TMEM200A: variants seen among roughly 807,000 people sequenced by gnomAD.
TMEM200A encodes transmembrane protein 200A.
TMEM200A carries 12 observed loss-of-function variants against 24.3 expected under a neutral mutation model. The ratio of observed to expected loss-of-function variants is 0.49; its 90% CI spans 0.32 to 0.80. TMEM200A has a LOEUF of 0.80. Among genes scored for constraint, TMEM200A ranks in the 30% least tolerant of loss-of-function variants. The pLI is 0.04. For missense variants in TMEM200A, 545 were observed against 614.4 expected, an observed-to-expected ratio of 0.89 and a Z score of 1.19; for synonymous variants, 224 against 224.4, an observed-to-expected ratio of 1.00 and a Z score of 0.02.
At chr6:130,430,045 G>A (rs148495659) in intron 2 of TMEM200A, among the ~76,000 whole-genome samples, 1 of 152,250 alleles carries the variant, frequency 6.6e-6, no homozygotes, top group Non-Finnish European at 1.5e-5. Flanking sequence ...AGCATGTGGA[G>A]TGTCCTACTT....
At chr6:130,397,618 G>C (rs1778981591) in intron 2 of TMEM200A, among the ~76,000 whole-genome samples, 2 of 148,230 alleles carry the variant, frequency 1.3e-5, no homozygotes, top group Non-Finnish European at 3.0e-5. Flanking sequence ...TTTTAAATTT[G>C]TGGTTTTTTT....
At chr6:130,440,314 A>C in intron 2 of TMEM200A, 93 bp from the exon 3 acceptor site, 3 of 1,315,810 alleles carry the variant, frequency 2.3e-6, no homozygotes, top group Non-Finnish European at 3.0e-6. Context: ...AACAGCAACA[A>C]AAATTCTGTG....
intron 2 of TMEM200A, among the ~76,000 whole-genome samples, chr6:130,427,897 G>GCTAT (rs1779785716): frequency 6.6e-6 from 1 of 151,930 alleles, no homozygotes; most frequent in African/African-American, 2.4e-5. Context: ...CTCTTGGCTT[G>GCTAT]CTATCTCTAA....
In TMEM200A at chr6:130,403,347, G is replaced by A. The variant is rs190819095; in HGVS notation, c.-17+18111G>A. ...ATAGAAGATAGCACTTTCATACCAA[G>A]TAGATTTTAGATACTGTAATAATGA... On this transcript the variant is annotated intron_variant, in intron 2 of 2. Coordinates refer to ENST00000296978, the MANE Select transcript of TMEM200A (RefSeq NM_001258277.2). Among the ~76,000 whole-genome samples, 201 of 152,124 alleles carry A rather than the reference G, an allele frequency of 1.3e-3. 1 individual carries two copies. Among genetic ancestry groups the A allele is most frequent in the African/African-American group, 4.6e-3 (192 of 41,538 alleles).
chr6:130,428,151 CT>C (rs542726496), intron 2 of TMEM200A, among the ~76,000 whole-genome samples: 21 of 152,092 alleles, frequency 1.4e-4, no homozygotes, highest in Non-Finnish European at 2.8e-4. Flanking sequence ...ATTAATCATT[CT>C]TCTCAATTTT....
chr6:130,378,408 G>T (rs1778513981), intron 1 of TMEM200A, among the ~76,000 whole-genome samples: 1 of 152,030 alleles, frequency 6.6e-6, no homozygotes, highest in Non-Finnish European at 1.5e-5. Context: ...TAGAAATCAT[G>T]TGGTCATGTG....
In TMEM200A at chr6:130,395,540, G is replaced by T. The variant is rs900277805; in HGVS notation, c.-17+10304G>T. On this transcript the variant is annotated intron_variant, in intron 2 of 2. Coordinates refer to ENST00000296978, the MANE Select transcript of TMEM200A (RefSeq NM_001258277.2). The stretch of plus-strand genomic sequence containing the variant: ...TAAAGTAGCCCTGAAAATGTTTCGG[G>T]TATGGTTGAGAATCTTAAGTAGTCA... 1.3e-5 allele frequency among the ~76,000 whole-genome samples: 2 copies of T among 152,180 alleles called. 1 individual carries two copies. The highest frequency in any genetic ancestry group is 4.1e-4 in the South Asian group (2 of 4,828).
chr6:130,429,708 G>T (rs894201532), intron 2 of TMEM200A, among the ~76,000 whole-genome samples: 1 of 152,020 alleles, frequency 6.6e-6, no homozygotes, highest in African/African-American at 2.4e-5. Context: ...GATTGCAGAA[G>T]GTCTTTTTAA....
At chr6:130,390,577 G>A (rs1035837803) in intron 2 of TMEM200A, among the ~76,000 whole-genome samples, 1 of 152,126 alleles carries the variant, frequency 6.6e-6, no homozygotes, top group Non-Finnish European at 1.5e-5. Flanking sequence ...ACCCTTAAAG[G>A]TACAAATCCT....
At chr6:130,426,818 A>C (rs1320750044) in intron 2 of TMEM200A, among the ~76,000 whole-genome samples, 3 of 152,240 alleles carry the variant, frequency 2.0e-5, no homozygotes, top group South Asian at 2.1e-4. Flanking sequence ...AATGCACAGC[A>C]TTAGGCTTAA....
chr6:130,415,759 T>C (rs1779435188), intron 2 of TMEM200A, among the ~76,000 whole-genome samples: 1 of 152,138 alleles, frequency 6.6e-6, no homozygotes, highest in Non-Finnish European at 1.5e-5. Flanking sequence ...AAATCTGTGA[T>C]ATGATGTGTA....
At chr6:130,382,925 G>A (rs140526523) in intron 1 of TMEM200A, 5,845 of 516,892 alleles carry the variant, frequency 0.011, 44 homozygotes, top group Non-Finnish European at 0.013. Context: ...GAAGTCACTT[G>A]TCTGTGGCCT....
chr6:130,374,326 A>G (rs1178426671), intron 1 of TMEM200A, among the ~76,000 whole-genome samples: 1 of 152,034 alleles, frequency 6.6e-6, no homozygotes, highest in African/African-American at 2.4e-5. Flanking sequence ...TGTTTTGTCC[A>G]TGGCTATGTC....
chr6:130,372,287 A>G (rs1778339254), intron 1 of TMEM200A, among the ~76,000 whole-genome samples: 1 of 152,210 alleles, frequency 6.6e-6, no homozygotes, highest in South Asian at 2.1e-4. Flanking sequence ...TGAGTGTGAG[A>G]TAAGAGCAGA....
intron 1 of TMEM200A, among the ~76,000 whole-genome samples, chr6:130,375,213 GATTC>G (rs554860684): frequency 3.3e-4 from 50 of 152,262 alleles, no homozygotes; most frequent in African/African-American, 1.2e-3. Flanking sequence ...TATTTAGAGA[GATTC>G]ATTCAGCAGG....
chr6:130,412,239 C>T (rs1418788837), intron 2 of TMEM200A, among the ~76,000 whole-genome samples: 1 of 149,662 alleles, frequency 6.7e-6, no homozygotes, highest in Non-Finnish European at 1.5e-5. Flanking sequence ...AAACCAAGGT[C>T]TGAATGATGG....
Position 130,366,584 on chromosome 6 carries a change from C to G in TMEM200A, c.-81+60C>G. ...GAGGTGGGTGGGCGGCCACCGCAGC[C>G]GAAACCGGGCACTTCTTCAGCCCTC... is the stretch of plus-strand genomic sequence containing the variant. On this transcript the variant is annotated intron_variant, in intron 1 of 2. Coordinates refer to ENST00000296978, the MANE Select transcript of TMEM200A (RefSeq NM_001258277.2). This position sits in a 1 kb window ranked among gnomAD's most constrained non-coding sequence, Gnocchi z 4.4. 2.0e-6 allele frequency: 2 copies of G among 985,832 alleles called. No individual in the cohort carries two copies. The highest frequency in any genetic ancestry group is 2.4e-6 in the Non-Finnish European group (2 of 830,236). The allele number at this position is 985,832 out of a possible 1,614,324, so 61.1% of individuals were successfully genotyped here.
At chr6:130,427,035 T>A (rs566019570) in intron 2 of TMEM200A, among the ~76,000 whole-genome samples, 43 of 152,320 alleles carry the variant, frequency 2.8e-4, no homozygotes, top group African/African-American at 8.9e-4. Flanking sequence ...TTCTAGTTGC[T>A]CCAATCCTGC....
chr6:130,383,168 C>G (rs1778640744), intron 1 of TMEM200A: 1 of 550,160 alleles, frequency 1.8e-6, no homozygotes, highest in Non-Finnish European at 2.3e-6. Flanking sequence ...TCGGGCAAGA[C>G]AGTTCCACTC....
Sources: allele counts gnomAD v4.1 joint callset (sites outside exome capture counted in the v4.1 genomes callset), GRCh38; gene constraint gnomAD v4.1.1; non-coding constraint Gnocchi (gnomAD v3.1); transcripts MANE v1.5; gene names NCBI Gene and HGNC (gene_info 2026-07-23, HGNC 2026-07-21).